MOB4: variants seen among roughly 807,000 people sequenced by gnomAD.
The protein encoded by MOB4 is MOB-like protein phocein.
A neutral mutation model predicts 32.2 loss-of-function variants in MOB4; 4 were observed. The ratio of observed to expected loss-of-function variants is 0.12; its 90% CI spans 0.06 to 0.28. MOB4 has a LOEUF of 0.28. Among genes scored for constraint, MOB4 ranks in the 10% least tolerant of loss-of-function variants. The pLI, the probability that MOB4 is intolerant of heterozygous loss-of-function variation, is 1.00. For synonymous variants in MOB4, 88 were observed against 88.1 expected, an observed-to-expected ratio of 1.00 and a Z score of 0.01; for missense variants, 158 against 271.2, an observed-to-expected ratio of 0.58 and a Z score of 2.93.
intron 1 of MOB4, among the ~76,000 whole-genome samples, chr2:197,522,493 G>C (rs1380243139): frequency 6.6e-6 from 1 of 151,482 alleles, no homozygotes; most frequent in African/African-American, 2.4e-5. Context: ...ACCATGCCCG[G>C]CTATTTTTTG....
At position 197,540,164 on chromosome 2, in the gene MOB4, C is replaced by G; in HGVS notation, c.267+11C>G. The G allele has an allele frequency of 6.2e-7, 1 of 1,602,236 alleles. No homozygotes were observed. The highest frequency in any genetic ancestry group is 8.5e-7 in the Non-Finnish European group (1 of 1,174,296). ...GCTGTCAAACTTCAGGTAATATTTT[C>G]TTTAAGTCAAAGTTATAATTGAAAG... On this transcript the variant is annotated intron_variant, in intron 4 of 7. Transcript: ENST00000323303.
chr2:197,531,968 C>G (rs1486378513), intron 2 of MOB4, among the ~76,000 whole-genome samples: 3 of 152,128 alleles, frequency 2.0e-5, no homozygotes, highest in East Asian at 3.9e-4. Context: ...AGTGCAGTAG[C>G]GTGTGATTGC....
chr2:197,533,023 C>T (rs992641454), intron 2 of MOB4, among the ~76,000 whole-genome samples: 4 of 151,958 alleles, frequency 2.6e-5, no homozygotes, highest in Non-Finnish European at 4.4e-5. Flanking sequence ...CACTTGAACC[C>T]GGAAGGCAGA....
intron 2 of MOB4, chr2:197,533,722 C>CAAAAAAA: frequency 5.9e-5 from 8 of 135,494 alleles, no homozygotes; most frequent in East Asian, 4.0e-4. Context: ...CAAAACTCCT[C>CAAAAAAA]AAAAAAAAAA....
At chr2:197,546,012 C>T (rs1303840008) in intron 5 of MOB4, among the ~76,000 whole-genome samples, 1 of 152,108 alleles carries the variant, frequency 6.6e-6, no homozygotes, top group Non-Finnish European at 1.5e-5. Flanking sequence ...GGTCAAACTA[C>T]AATATTAAAA....
chr2:197,537,935 A>G (rs949892042), intron 3 of MOB4, among the ~76,000 whole-genome samples: 1 of 152,086 alleles, frequency 6.6e-6, no homozygotes, highest in Admixed American at 6.6e-5. Context: ...ACACGCCACC[A>G]TGCCCAGCTA....
intron 1 of MOB4, chr2:197,516,489 A>G (rs2086414519): frequency 9.7e-6 from 9 of 923,656 alleles, no homozygotes; most frequent in Non-Finnish European, 1.4e-5. Context: ...GAGGGGCGCG[A>G]CCAGCCTGGT....
chr2:197,525,047 A>C (rs2086585283), intron 2 of MOB4, among the ~76,000 whole-genome samples: 2 of 152,138 alleles, frequency 1.3e-5, no homozygotes, highest in South Asian at 4.1e-4. Flanking sequence ...ATAGCCAGAT[A>C]ATAAAAGTAG....
intron 6 of MOB4, among the ~76,000 whole-genome samples, chr2:197,549,119 T>G (rs916575668): frequency 6.6e-6 from 1 of 152,026 alleles, no homozygotes; most frequent in African/African-American, 2.4e-5. Context: ...TCCCAGCCAC[T>G]TGGGAGGCTG....
At chr2:197,539,058 G>A (rs545995978) in intron 3 of MOB4, among the ~76,000 whole-genome samples, 4 of 151,722 alleles carry the variant, frequency 2.6e-5, no homozygotes, top group Non-Finnish European at 4.4e-5. Context: ...TTTTTTGGGG[G>A]GATTTTTTTT....
chr2:197,527,176 A>G (rs1429373919), intron 2 of MOB4, among the ~76,000 whole-genome samples: 1 of 152,062 alleles, frequency 6.6e-6, no homozygotes, highest in African/African-American at 2.4e-5. Flanking sequence ...TGCAAAAAAA[A>G]GGGGGGCGTC....
chr2:197,550,471 T>G (rs545612324), intron 7 of MOB4, 44 bp from the exon 8 acceptor site: 1 of 1,581,230 alleles, frequency 6.3e-7, no homozygotes, highest in African/African-American at 1.4e-5. Context: ...TCTTTTAGTT[T>G]GGGATAGTGA....
chr2:197,549,706 C>A (rs940639061), intron 6 of MOB4, among the ~76,000 whole-genome samples: 3 of 151,804 alleles, frequency 2.0e-5, no homozygotes, highest in African/African-American at 7.3e-5. Context: ...CCTGCCACCA[C>A]GCCTGGCTGA....
rs530024584 is a variant in MOB4, at chr2:197,551,832, TATA to T, written c.*1189_*1191del. 182 of 152,452 alleles carry T rather than the reference TATA, an allele frequency of 1.2e-3. 3 individuals are homozygous for T. The highest frequency in any genetic ancestry group is 4.1e-3 in the African/African-American group (171 of 41,586). The allele number at this position is 152,452 out of a possible 1,614,324, so 9.4% of individuals were successfully genotyped here. A position where few individuals can be genotyped will look rare whatever the true frequency, so the allele number is the denominator to read the frequency against. ...GATTGAAATGCAGATTTAACAATCT[TATA>T]ATCTATTGAATGCCATTTTTGATAA... On this transcript the variant is annotated 3_prime_UTR_variant, in exon 8 of 8. Coordinates refer to ENST00000323303, the MANE Select transcript of MOB4 (RefSeq NM_015387.5).
rs563853597 is a variant in MOB4 at position 197,551,371 on chromosome 2, C to A, written c.*725C>A. 1 of 152,832 alleles carries A rather than the reference C, an allele frequency of 6.5e-6. No individual in the cohort carries two copies. Among genetic ancestry groups the A allele is most frequent in the South Asian group, 2.1e-4 (1 of 4,826 alleles). 9.5% of individuals were successfully genotyped at this position (152,832 alleles called of 1,614,324 possible). Reference sequence around the variant, plus strand: ...GTCCACCCCTTCTCATTTCCCTTAACCTTATCTTCAAACTACTTTAGCTGA... The same window carrying A: ...GTCCACCCCTTCTCATTTCCCTTAAACTTATCTTCAAACTACTTTAGCTGA... On this transcript the variant is annotated 3_prime_UTR_variant, in exon 8 of 8. Transcript: ENST00000323303.
chr2:197,547,553 A>G (rs557784107), intron 5 of MOB4, among the ~76,000 whole-genome samples: 1 of 152,354 alleles, frequency 6.6e-6, no homozygotes, highest in South Asian at 2.1e-4. Flanking sequence ...GTGCCACGGC[A>G]CTAAGCCATA....
chr2:197,523,690 A>G lies in MOB4; in HGVS notation c.123+4A>G. On this transcript the variant is annotated splice_donor_region_variant and intron_variant, in intron 2 of 7. Coordinates refer to ENST00000323303, the MANE Select transcript of MOB4 (RefSeq NM_015387.5). The stretch of plus-strand genomic sequence containing the variant: ...CAGTACACTAGCTGTTCAACAGGTA[A>G]TAAAAATAGTTTCTTTTCACCCTGT... 6.2e-7 allele frequency: 1 copy of G among 1,600,508 alleles called. No individual in the cohort carries two copies.
chr2:197,529,362 A>AT (rs1267677709), intron 2 of MOB4, among the ~76,000 whole-genome samples: 3 of 148,054 alleles, frequency 2.0e-5, no homozygotes, highest in African/African-American at 7.5e-5. Context: ...TTATTTATTT[A>AT]TTTTTTTGAG....
chr2:197,533,059 A>G (rs1483447933), intron 2 of MOB4, among the ~76,000 whole-genome samples: 1 of 152,174 alleles, frequency 6.6e-6, no homozygotes, highest in Non-Finnish European at 1.5e-5. Flanking sequence ...AGATTGCGCC[A>G]CTACACTCCA....
Sources: gnomAD v4.1 joint callset for allele counts (sites outside exome capture counted in the v4.1 genomes callset) on GRCh38, gnomAD v4.1.1 for gene constraint, MANE v1.5 for transcripts, NCBI Gene and HGNC (gene_info 2026-07-23, HGNC 2026-07-21) for gene names.